STXBP5L: variants seen among roughly 807,000 people sequenced by gnomAD.
The protein encoded by STXBP5L is syntaxin binding protein 5L, also known as syntaxin-binding protein 5-like.
A neutral mutation model predicts 144.5 loss-of-function variants in STXBP5L; 65 were observed. That is an observed-to-expected ratio of 0.45 (90% CI 0.37 to 0.55). The LOEUF (loss-of-function observed/expected upper bound fraction) is 0.55. Among genes scored for constraint, STXBP5L ranks in the 20% least tolerant of loss-of-function variants. The pLI is 0.00. For missense variants in STXBP5L, 1,298 were observed against 1,405.5 expected, an observed-to-expected ratio of 0.92 and a Z score of 1.22; for synonymous variants, 505 against 469.6, an observed-to-expected ratio of 1.08 and a Z score of -0.97.
At chr3:121,296,186 T>G (rs1273982132) in intron 19 of STXBP5L, among the ~76,000 whole-genome samples, 2 of 152,222 alleles carry the variant, frequency 1.3e-5, no homozygotes, top group African/African-American at 4.8e-5. Context: ...TCTATTCACA[T>G]GTCAGACACA....
chr3:121,190,029 A>G (rs887805927), intron 9 of STXBP5L, among the ~76,000 whole-genome samples: 2 of 151,934 alleles, frequency 1.3e-5, no homozygotes, highest in South Asian at 4.2e-4. Flanking sequence ...TGTCCATTTT[A>G]ATAAGCTTTG....
Position 121,351,970 on chromosome 3 carries a change from G to A in STXBP5L, c.2177-26746G>A, listed in dbSNP as rs531498617. On this transcript the variant is annotated intron_variant, in intron 20 of 26. Transcript: ENST00000471454. ...TTTCCCCATTTCTTATTTTTGTCAG[G>A]TTTGTCAAAGATCAGATGATTGTAG... Among the ~76,000 whole-genome samples the A allele has an allele frequency of 2.9e-4, 44 of 152,122 alleles. 1 individual carries two copies. Among genetic ancestry groups the A allele is most frequent in the African/African-American group, 1.0e-3 (42 of 41,456 alleles).
chr3:121,133,608 A>G (rs1208929360), intron 7 of STXBP5L, among the ~76,000 whole-genome samples: 1 of 152,206 alleles, frequency 6.6e-6, no homozygotes, highest in Non-Finnish European at 1.5e-5. Context: ...CCACCACTAG[A>G]TTTGACTCGC....
intron 20 of STXBP5L, among the ~76,000 whole-genome samples, chr3:121,346,980 G>A (rs551202441): frequency 5.9e-5 from 9 of 152,242 alleles, no homozygotes; most frequent in Admixed American, 4.6e-4. Context: ...GTCAATTTTG[G>A]CTTCTGTTGC....
chr3:121,400,775 G>C (rs149262365), intron 22 of STXBP5L, among the ~76,000 whole-genome samples: 161 of 152,198 alleles, frequency 1.1e-3, no homozygotes, highest in African/African-American at 3.8e-3. Context: ...AGACTGACTG[G>C]TTTGTCTCTT....
intron 10 of STXBP5L, among the ~76,000 whole-genome samples, chr3:121,209,423 T>G (rs967596639): frequency 5.9e-5 from 9 of 152,146 alleles, no homozygotes; most frequent in Non-Finnish European, 1.0e-4. Flanking sequence ...TTATGTTTTT[T>G]TATTTTTTAT....
chr3:121,151,691 A>C (rs1211832447), intron 7 of STXBP5L, among the ~76,000 whole-genome samples: 1 of 152,150 alleles, frequency 6.6e-6, no homozygotes, highest in African/African-American at 2.4e-5. Flanking sequence ...TCATTATTTT[A>C]ACATTGGCTA....
chr3:120,942,405 TA>T (rs1710613268), intron 2 of STXBP5L, among the ~76,000 whole-genome samples: 1 of 151,556 alleles, frequency 6.6e-6, no homozygotes, highest in Non-Finnish European at 1.5e-5. Context: ...TAATGAAGAT[TA>T]TGAAAACAGG....
chr3:121,249,471 G>T (rs1319576299), intron 14 of STXBP5L, among the ~76,000 whole-genome samples: 2 of 151,986 alleles, frequency 1.3e-5, no homozygotes, highest in African/African-American at 4.8e-5. Flanking sequence ...GTTGTAAGTG[G>T]TACTATTTTG....
intron 22 of STXBP5L, among the ~76,000 whole-genome samples, chr3:121,406,834 A>G (rs1381583104): frequency 6.6e-6 from 1 of 152,068 alleles, no homozygotes; most frequent in Non-Finnish European, 1.5e-5. Context: ...TAAATAAAAT[A>G]TGTACATTTT....
At position 121,152,168 on chromosome 3, in the gene STXBP5L, A is replaced by G. The variant is rs142268998; in HGVS notation, c.670-309A>G. 4.5e-4 allele frequency among the ~76,000 whole-genome samples: 68 copies of G among 151,940 alleles called. No individual in the cohort carries two copies. In the East Asian group the frequency reaches 0.013, roughly 29 times the overall value. On this transcript the variant is annotated intron_variant, in intron 7 of 26. Transcript: ENST00000471454. ...TTAATCTTATCCCATTTCATGTTTT[A>G]TTTCATCTTCGTTTTCTATCCCATT...
At chr3:121,338,658 G>C (rs182621294) in intron 20 of STXBP5L, among the ~76,000 whole-genome samples, 1 of 145,654 alleles carries the variant, frequency 6.9e-6, no homozygotes, top group African/African-American at 2.5e-5. Context: ...GAAAGAAAAA[G>C]AGAAAGAAAA....
intron 22 of STXBP5L, among the ~76,000 whole-genome samples, chr3:121,392,705 G>A (rs1056533307): frequency 4.7e-5 from 7 of 147,818 alleles, no homozygotes; most frequent in Non-Finnish European, 8.9e-5. Context: ...CACTTAATAA[G>A]CCCAGTGTGT....
intron 20 of STXBP5L, among the ~76,000 whole-genome samples, chr3:121,359,151 A>T (rs1187359341): frequency 6.6e-6 from 1 of 152,084 alleles, no homozygotes; most frequent in Non-Finnish European, 1.5e-5. Context: ...AAGCCATTTT[A>T]ACTTAAGCGA....
rs59432986 is a variant in STXBP5L at position 121,283,895 on chromosome 3, T to TTGTGTGTGTG, written c.2110+3963_2110+3972dup. On this transcript the variant is annotated intron_variant, in intron 19 of 26. Coordinates refer to ENST00000471454, the MANE Select transcript of STXBP5L (RefSeq NM_001308330.2). Reference sequence around the variant, plus strand: ...GGATCTCCTACATTTGTGTGTGTGCTTGTGTGTGTGTGTGTGTGTGTGTGT... The same window carrying TTGTGTGTGTG: ...GGATCTCCTACATTTGTGTGTGTGCTTGTGTGTGTGTGTGTGTGTGTGTGTGTGTGTGTGT... Among the ~76,000 whole-genome samples the TTGTGTGTGTG allele has an allele frequency of 3.1e-3, 359 of 116,186 alleles. 6 individuals are homozygous for TTGTGTGTGTG. The highest frequency in any genetic ancestry group is 0.011 in the African/African-American group (340 of 29,710). 76.2% of individuals were successfully genotyped at this position (116,186 alleles called of 152,430 possible). A position where few individuals can be genotyped will look rare whatever the true frequency, so the allele number is the denominator to read the frequency against.
intron 3 of STXBP5L, among the ~76,000 whole-genome samples, chr3:120,970,812 TC>T (rs1296195932): frequency 2.6e-5 from 4 of 152,142 alleles, no homozygotes; most frequent in African/African-American, 9.6e-5. Context: ...TTTTTTCCAT[TC>T]TAGGGGAACT....
In STXBP5L at chr3:121,011,055, T is replaced by G. The variant is rs527943496; in HGVS notation, c.288-30645T>G. On this transcript the variant is annotated intron_variant, in intron 3 of 26. Coordinates refer to ENST00000471454, the MANE Select transcript of STXBP5L (RefSeq NM_001308330.2). ...AATCATTTGGTTGTCTTTCTTGTAT[T>G]ATGTTTTAAATCTAGTATGTCTACC... 2.0e-5 allele frequency among the ~76,000 whole-genome samples: 3 copies of G among 150,448 alleles called. No individual in the cohort carries two copies. In the South Asian group the frequency reaches 6.4e-4, roughly 32 times the overall value.
intron 3 of STXBP5L, among the ~76,000 whole-genome samples, chr3:121,017,187 A>T (rs767502695): frequency 6.6e-6 from 1 of 152,210 alleles, no homozygotes; most frequent in Non-Finnish European, 1.5e-5. Context: ...AAAACAATTA[A>T]ATGATTATAT....
intron 8 of STXBP5L, among the ~76,000 whole-genome samples, chr3:121,156,494 A>G (rs1287416019): frequency 6.6e-6 from 1 of 151,928 alleles, no homozygotes; most frequent in African/African-American, 2.4e-5. Context: ...CAAGTTCTGT[A>G]TGTACTTTAT....
Sources: gnomAD v4.1 joint callset for allele counts (sites outside exome capture counted in the v4.1 genomes callset) on GRCh38, gnomAD v4.1.1 for gene constraint, MANE v1.5 for transcripts, NCBI Gene and HGNC (gene_info 2026-07-23, HGNC 2026-07-21) for gene names.